SP4: variants seen among roughly 807,000 people sequenced by gnomAD.
The protein encoded by SP4 is transcription factor Sp4.
Under a neutral mutation model 72.8 loss-of-function variants are expected in SP4, and 19 were observed. The observed-to-expected ratio is 0.26, with a 90% CI of 0.18 to 0.38. The LOEUF (loss-of-function observed/expected upper bound fraction) is 0.38, where lower values mean the gene tolerates loss of function less well. Ranked by LOEUF, SP4 falls within the 10% of genes least tolerant of loss-of-function variation. The pLI is 1.00. For synonymous variants in SP4, 395 were observed against 333.1 expected (o/e 1.19, Z -2.02); for missense variants, 1,008 against 926.3 (o/e 1.09, Z -1.14).
intron 3 of SP4, among the ~76,000 whole-genome samples, chr7:21,468,566 C>T (rs1054307679): frequency 1.3e-5 from 2 of 150,534 alleles, no homozygotes; most frequent in South Asian, 4.2e-4. Flanking sequence ...TGGTTGGGAA[C>T]TGTTGCTTTT....
At chr7:21,509,906 C>A (rs1315502625) in intron 5 of SP4, among the ~76,000 whole-genome samples, 1 of 152,156 alleles carries the variant, frequency 6.6e-6, no homozygotes, top group African/African-American at 2.4e-5. Flanking sequence ...TACAGTTCCA[C>A]ATGGCTGGGG....
rs908740824 is a variant in SP4, at chr7:21,477,190, A to G, written c.1790A>G (p.Gln597Arg). 2 of 1,614,190 alleles carry G rather than the reference A, an allele frequency of 1.2e-6. No individual in the cohort carries two copies. The highest frequency in any genetic ancestry group is 1.7e-6 in the Non-Finnish European group (2 of 1,179,980). Residue 597 changes from glutamine (Q) to arginine (R), a missense_variant, in exon 4 of 6, where the codon CAA becomes CGA. By Grantham distance (43) the Gln-to-Arg change is conservative. Around this residue, in one of 3 missense-constraint regions of SP4, gnomAD observed 893 missense variants for 743.3 expected, o/e 1.20. Transcript: ENST00000222584. ...ACGATAGGTGCTGTTAGTCCTGACC[A>G]ACTCACACAAGTGCATTTGCAGCAA... ...NATIGAVSPD[Q>R]LTQVHLQQGQ...
intron 3 of SP4, among the ~76,000 whole-genome samples, chr7:21,449,357 T>C (rs996970930): frequency 9.2e-5 from 14 of 152,196 alleles, no homozygotes; most frequent in Non-Finnish European, 1.8e-4. Flanking sequence ...CAAACTTATC[T>C]TTTCAGTGGC....
chr7:21,495,409 A>G (rs1040248351), intron 5 of SP4, among the ~76,000 whole-genome samples: 2 of 151,568 alleles, frequency 1.3e-5, no homozygotes, highest in Admixed American at 1.3e-4. Context: ...CAAATTTAAC[A>G]GTTTTTTTTT....
At chr7:21,492,279 A>ATTTT (rs2128413870) in intron 5 of SP4, among the ~76,000 whole-genome samples, 1 of 152,326 alleles carries the variant, frequency 6.6e-6, no homozygotes, top group South Asian at 2.1e-4. Flanking sequence ...ACTCCCCTAA[A>ATTTT]TGTCTCCTAT....
At chr7:21,492,686 C>T (rs574346990) in intron 5 of SP4, among the ~76,000 whole-genome samples, 1 of 152,274 alleles carries the variant, frequency 6.6e-6, no homozygotes, top group South Asian at 2.1e-4. Flanking sequence ...AATCATTACA[C>T]TAAATGCAAG....
At chr7:21,508,806 A>G (rs1008594397) in intron 5 of SP4, among the ~76,000 whole-genome samples, 2 of 109,756 alleles carry the variant, frequency 1.8e-5, no homozygotes, top group South Asian at 3.1e-4. Context: ...TTGTCTACAC[A>G]CTTTTTTTTT....
intron 4 of SP4, among the ~76,000 whole-genome samples, chr7:21,477,552 A>G (rs1264995939): frequency 8.8e-6 from 1 of 114,028 alleles, no homozygotes; most frequent in African/African-American, 3.3e-5. Flanking sequence ...CCCCCACCCC[A>G]ACAAGATGGA....
intron 3 of SP4, among the ~76,000 whole-genome samples, chr7:21,474,451 G>A (rs1446847471): frequency 6.6e-6 from 1 of 152,130 alleles, no homozygotes; most frequent in Non-Finnish European, 1.5e-5. Context: ...TGCATTTTTT[G>A]CAGTAAACAA....
At chr7:21,454,606 A>C (rs1434552310) in intron 3 of SP4, among the ~76,000 whole-genome samples, 1 of 152,210 alleles carries the variant, frequency 6.6e-6, no homozygotes, top group Non-Finnish European at 1.5e-5. Context: ...TTGCTGTGTG[A>C]GTCCTATGAA....
At chr7:21,468,880 T>G (rs1562607208) in intron 3 of SP4, among the ~76,000 whole-genome samples, 1 of 152,130 alleles carries the variant, frequency 6.6e-6, no homozygotes, top group Non-Finnish European at 1.5e-5. Flanking sequence ...TTTACTGAAT[T>G]TCTCATGCTC....
chr7:21,483,358 A>G (rs1394259735), intron 5 of SP4, among the ~76,000 whole-genome samples: 1 of 151,786 alleles, frequency 6.6e-6, no homozygotes, highest in Non-Finnish European at 1.5e-5. Flanking sequence ...ACCTTTTGTC[A>G]TATGGAAGTC....
At chr7:21,452,103 A>G (rs1253542069) in intron 3 of SP4, among the ~76,000 whole-genome samples, 1 of 152,220 alleles carries the variant, frequency 6.6e-6, no homozygotes, top group Admixed American at 6.5e-5. Context: ...AAAACTTAAT[A>G]ACAACTGATG....
chr7:21,469,404 C>T (rs1784261489), intron 3 of SP4, among the ~76,000 whole-genome samples: 1 of 152,156 alleles, frequency 6.6e-6, no homozygotes, highest in South Asian at 2.1e-4. Context: ...CTATGGTGAG[C>T]ATGCTTTGTT....
chr7:21,502,358 C>G (rs747957789), intron 5 of SP4, among the ~76,000 whole-genome samples: 4 of 152,144 alleles, frequency 2.6e-5, no homozygotes, highest in Non-Finnish European at 4.4e-5. Context: ...TTATTGAACT[C>G]TGCCCCCTGC....
chr7:21,450,189 A>G (rs975034359), intron 3 of SP4, among the ~76,000 whole-genome samples: 2 of 152,040 alleles, frequency 1.3e-5, no homozygotes, highest in East Asian at 1.9e-4. Context: ...CAGGTACTTC[A>G]TTGTAAAGAT....
intron 3 of SP4, among the ~76,000 whole-genome samples, chr7:21,463,098 G>A (rs1463357288): frequency 2.0e-5 from 3 of 149,856 alleles, no homozygotes; most frequent in Non-Finnish European, 1.5e-5. Flanking sequence ...TTTTGAGACA[G>A]GGTCTGTCAC....
Position 21,428,276 on chromosome 7 carries a change from C to G in SP4, c.7+18C>G, listed in dbSNP as rs767318543. The G allele has an allele frequency of 3.3e-5, 48 of 1,458,406 alleles. No individual in the cohort carries two copies. Among genetic ancestry groups the G allele is most frequent in the East Asian group, 2.2e-4 (9 of 40,528 alleles). 90.3% of individuals were successfully genotyped at this position (1,458,406 alleles called of 1,614,324 possible). A position where few individuals can be genotyped will look rare whatever the true frequency, so the allele number is the denominator to read the frequency against. On this transcript the variant is annotated intron_variant, in intron 1 of 5. Transcript: ENST00000222584. ...GATGAGCGGTACGTATTCTCCACCC[C>G]CCTCAGTCTCCTTCGCCGCCTCCCT...
At chr7:21,505,536 G>A (rs1405962588) in intron 5 of SP4, among the ~76,000 whole-genome samples, 1 of 152,188 alleles carries the variant, frequency 6.6e-6, no homozygotes, top group Non-Finnish European at 1.5e-5. Flanking sequence ...GGGTACTGTT[G>A]TTTTCTCCTA....
Sources: gnomAD v4.1 joint callset for allele counts (sites outside exome capture counted in the v4.1 genomes callset) on GRCh38, gnomAD v4.1.1 for gene constraint, gnomAD v4.1.1 regional missense constraint, MANE v1.5 for transcripts, NCBI Gene and HGNC (gene_info 2026-07-23, HGNC 2026-07-21) for gene names.